Variants in ZFAND3 observed in about 807,000 individuals in gnomAD.
ZFAND3 encodes zinc finger AN1-type containing 3.
In ZFAND3, 10 loss-of-function variants were observed where a neutral mutation model predicts 29.6. That is an observed-to-expected ratio of 0.34 (90% CI 0.21 to 0.57). The LOEUF is 0.57. Ranked by LOEUF, ZFAND3 falls within the 20% of genes least tolerant of loss-of-function variation. The probability of loss-of-function intolerance (pLI) is 0.86; values close to 1 mark genes in which losing one functional copy is unlikely to be tolerated. For missense variants in ZFAND3, 230 were observed against 304.5 expected, an observed-to-expected ratio of 0.76 and a Z score of 1.82; for synonymous variants, 128 against 112.6, an observed-to-expected ratio of 1.14 and a Z score of -0.87.
intron 2 of ZFAND3, among the ~76,000 whole-genome samples, chr6:38,004,534 TACACACACACACACAC>T (rs56068930): frequency 6.8e-6 from 1 of 147,346 alleles, no homozygotes; most frequent in African/African-American, 2.5e-5. Context: ...TAAAGCTGTC[TACACACACACACACAC>T]ACACACACAC....
chr6:38,108,993 C>G (rs1765261574), intron 4 of ZFAND3, among the ~76,000 whole-genome samples: 1 of 151,988 alleles, frequency 6.6e-6, no homozygotes, highest in Admixed American at 6.6e-5. Context: ...TGGGTAAAGA[C>G]TAAATGCATT....
chr6:37,892,625 TAATA>T (rs1581739575), intron 1 of ZFAND3, among the ~76,000 whole-genome samples: 1 of 151,944 alleles, frequency 6.6e-6, no homozygotes. Flanking sequence ...GAGCAGAAAT[TAATA>T]GAGAATAGAA....
rs72852594 is a variant in ZFAND3, at chr6:38,118,764, G to A, written c.529+2025G>A. ...GTCTTAGCATCCACCTGAAAAAAAA[G>A]AAAAAAAAAAAAACAGTAATATATG... On this transcript the variant is annotated intron_variant, in intron 5 of 5. Transcript: ENST00000287218. Among the ~76,000 whole-genome samples, 304 of 139,608 alleles carry A rather than the reference G, an allele frequency of 2.2e-3. 1 individual carries two copies. The highest frequency in any genetic ancestry group is 0.011 in the East Asian group (51 of 4,572). 91.6% of individuals were successfully genotyped at this position (139,608 alleles called of 152,430 possible).
intron 2 of ZFAND3, among the ~76,000 whole-genome samples, chr6:37,951,357 C>T (rs1761994684): frequency 6.6e-6 from 1 of 152,086 alleles, no homozygotes; most frequent in African/African-American, 2.4e-5. Context: ...CTTTGGGAGG[C>T]CGAGACAGGC....
At position 38,135,600 on chromosome 6, in the gene ZFAND3, C is replaced by T. The variant is rs1765823743; in HGVS notation, c.530-16635C>T. Among the ~76,000 whole-genome samples the T allele has an allele frequency of 2.0e-5, 3 of 152,114 alleles. No individual in the cohort carries two copies. In the South Asian group the frequency reaches 6.2e-4, roughly 32 times the overall value. On this transcript the variant is annotated intron_variant, in intron 5 of 5. Transcript: ENST00000287218. ...TCTCTACTAAAAATACAAAAATTAG[C>T]CAGGTGTGGTGGCGTGCGCCTGTAA...
chr6:38,105,237 G>C (rs1765184687), intron 4 of ZFAND3, among the ~76,000 whole-genome samples: 1 of 152,010 alleles, frequency 6.6e-6, no homozygotes, highest in Admixed American at 6.5e-5. Context: ...ATGATAAGTG[G>C]CCTTAAAAAT....
intron 2 of ZFAND3, among the ~76,000 whole-genome samples, chr6:38,022,846 A>G (rs909910126): frequency 2.0e-5 from 3 of 152,208 alleles, no homozygotes; most frequent in Admixed American, 2.0e-4. Context: ...AGGGCACAGC[A>G]CAACTTGATT....
At chr6:37,914,042 G>C (rs965520112) in intron 1 of ZFAND3, among the ~76,000 whole-genome samples, 1 of 151,988 alleles carries the variant, frequency 6.6e-6, no homozygotes, top group Admixed American at 6.6e-5. Context: ...ATATTCTTAT[G>C]AAATGTATTT....
intron 4 of ZFAND3, among the ~76,000 whole-genome samples, chr6:38,094,184 CTGAGGG>C (rs1764927461): frequency 6.6e-6 from 1 of 151,964 alleles, no homozygotes; most frequent in Admixed American, 6.6e-5. Context: ...CAGCAGAGAG[CTGAGGG>C]TATAAGGAAG....
intron 1 of ZFAND3, among the ~76,000 whole-genome samples, chr6:37,822,724 C>A (rs1581687415): frequency 6.6e-6 from 1 of 152,226 alleles, no homozygotes; most frequent in East Asian, 1.9e-4. Flanking sequence ...AGCCTAGACC[C>A]ACAGGAAGGG....
At chr6:37,890,329 G>T (rs2127395936) in intron 1 of ZFAND3, among the ~76,000 whole-genome samples, 1 of 151,900 alleles carries the variant, frequency 6.6e-6, no homozygotes, top group Non-Finnish European at 1.5e-5. Flanking sequence ...GCTTACATGA[G>T]TGATCCCCGA....
chr6:38,029,280 T>C (rs530278488), intron 2 of ZFAND3, among the ~76,000 whole-genome samples: 1 of 152,314 alleles, frequency 6.6e-6, no homozygotes, highest in African/African-American at 2.4e-5. Flanking sequence ...TGACTGCTGA[T>C]CTCAGGGTAA....
chr6:37,910,757 G>A (rs1292679833), intron 1 of ZFAND3, among the ~76,000 whole-genome samples: 2 of 152,134 alleles, frequency 1.3e-5, no homozygotes, highest in Non-Finnish European at 1.5e-5. Context: ...TCTGTGAGTT[G>A]GACTCTTTTA....
intron 5 of ZFAND3, 132 bp downstream of exon 5, chr6:38,116,871 T>C (rs569403477): frequency 1.2e-5 from 14 of 1,186,770 alleles, no homozygotes; most frequent in South Asian, 1.8e-5. Context: ...GTGCATGCGA[T>C]ATAGGTTTGG....
chr6:37,926,585 C>T (rs1761488683), intron 1 of ZFAND3, among the ~76,000 whole-genome samples: 1 of 152,146 alleles, frequency 6.6e-6, no homozygotes, highest in African/African-American at 2.4e-5. Flanking sequence ...ATCTCAAAAT[C>T]ATTAATTAAT....
At chr6:37,822,814 A>G (rs1396650136) in intron 1 of ZFAND3, among the ~76,000 whole-genome samples, 1 of 152,148 alleles carries the variant, frequency 6.6e-6, no homozygotes, top group Non-Finnish European at 1.5e-5. Flanking sequence ...GAGTGAGAGC[A>G]CTACTCATTT....
intron 2 of ZFAND3, among the ~76,000 whole-genome samples, chr6:38,033,493 C>G (rs1763600869): frequency 6.6e-6 from 1 of 152,102 alleles, no homozygotes; most frequent in Non-Finnish European, 1.5e-5. Context: ...CAGGGGTTCA[C>G]AAGGAATGGC....
At chr6:38,000,379 T>C (rs1200239208) in intron 2 of ZFAND3, among the ~76,000 whole-genome samples, 2 of 152,216 alleles carry the variant, frequency 1.3e-5, no homozygotes, top group Non-Finnish European at 2.9e-5. Flanking sequence ...TTCATTCTTA[T>C]ACTGCTAATA....
At chr6:37,998,366 T>C (rs1762888203) in intron 2 of ZFAND3, among the ~76,000 whole-genome samples, 1 of 152,162 alleles carries the variant, frequency 6.6e-6, no homozygotes, top group Non-Finnish European at 1.5e-5. Context: ...TATGATCCAG[T>C]GGAATAGTGG....
Sources: gnomAD v4.1 joint callset for allele counts (sites outside exome capture counted in the v4.1 genomes callset) on GRCh38, gnomAD v4.1.1 for gene constraint, MANE v1.5 for transcripts, NCBI Gene and HGNC (gene_info 2026-07-23, HGNC 2026-07-21) for gene names.